The following ANKRD6 variants were observed in gnomAD, a reference collection of about 807,000 sequenced individuals.
ANKRD6 encodes the protein ankyrin repeat domain 6.
A neutral mutation model predicts 82.3 loss-of-function variants in ANKRD6; 56 were observed. The ratio of observed to expected loss-of-function variants is 0.68; its 90% CI spans 0.55 to 0.85. The LOEUF is 0.85. Among genes scored for constraint, ANKRD6 ranks in the 40% least tolerant of loss-of-function variants. The pLI is 0.00. For synonymous variants in ANKRD6, 347 were observed against 352.1 expected (o/e 0.99, Z 0.16); for missense variants, 852 against 907.6 (o/e 0.94, Z 0.79).
intron 1 of ANKRD6, among the ~76,000 whole-genome samples, chr6:89,512,483 TA>T (rs1259282957): frequency 2.6e-5 from 4 of 152,272 alleles, no homozygotes; most frequent in Admixed American, 6.5e-5. Flanking sequence ...GTTTCTAAGT[TA>T]GGGGGCGGAG....
chr6:89,554,446 CT>C (rs11484125), intron 1 of ANKRD6, among the ~76,000 whole-genome samples: 8 of 149,612 alleles, frequency 5.3e-5, no homozygotes, highest in East Asian at 2.0e-4. Flanking sequence ...TTAATCACGT[CT>C]TTTTTTTTTG....
chr6:89,629,273 G>A, intron 15 of ANKRD6, 35 bp downstream of exon 15: 1 of 1,612,838 alleles, frequency 6.2e-7, no homozygotes, highest in East Asian at 2.2e-5. Flanking sequence ...TTGTCCAAAA[G>A]GAACACGACC....
intron 5 of ANKRD6, among the ~76,000 whole-genome samples, chr6:89,608,368 C>CACACACACACACACACACACACACACTA: frequency 9.9e-5 from 13 of 130,750 alleles, no homozygotes; most frequent in African/African-American, 4.0e-4. Flanking sequence ...CACACACACA[C>CACACACACACACACACACACACACACTA]TATATATATA....
intron 1 of ANKRD6, among the ~76,000 whole-genome samples, chr6:89,439,726 T>C (rs980781336): frequency 6.6e-6 from 1 of 152,120 alleles, no homozygotes; most frequent in African/African-American, 2.4e-5. Flanking sequence ...CGAGACAGGG[T>C]CTCATTCTGT....
At chr6:89,465,408 A>C (rs1162478348) in intron 1 of ANKRD6, among the ~76,000 whole-genome samples, 1 of 151,924 alleles carries the variant, frequency 6.6e-6, no homozygotes, top group East Asian at 1.9e-4. Context: ...AGTATGAGCC[A>C]CTGCACCAGG....
At chr6:89,478,593 G>A (rs1355898528) in intron 1 of ANKRD6, among the ~76,000 whole-genome samples, 1 of 151,404 alleles carries the variant, frequency 6.6e-6, no homozygotes, top group Non-Finnish European at 1.5e-5. Context: ...AATTAGCCAG[G>A]CGTGGTGGTG....
At chr6:89,613,703 C>A in intron 6 of ANKRD6, 89 bp from the exon 7 acceptor site, 1 of 1,198,556 alleles carries the variant, frequency 8.3e-7, no homozygotes, top group Non-Finnish European at 1.2e-6. Flanking sequence ...TGATAGTCTG[C>A]TAGCTTTTAA....
chr6:89,451,805 C>T (rs1209990683), intron 1 of ANKRD6, among the ~76,000 whole-genome samples: 4 of 152,166 alleles, frequency 2.6e-5, no homozygotes, highest in African/African-American at 9.7e-5. Context: ...GATTTTGCTC[C>T]AGGACTTCTG....
At chr6:89,609,482 A>G (rs1052311926) in intron 5 of ANKRD6, among the ~76,000 whole-genome samples, 6 of 151,894 alleles carry the variant, frequency 4.0e-5, no homozygotes, top group Admixed American at 1.3e-4. Context: ...TTGTATTTTT[A>G]GTAGAGACAG....
At chr6:89,519,689 A>G (rs1781661369) in intron 1 of ANKRD6, among the ~76,000 whole-genome samples, 1 of 152,242 alleles carries the variant, frequency 6.6e-6, no homozygotes, top group Non-Finnish European at 1.5e-5. Flanking sequence ...GCCTACAGAT[A>G]GTAATAGCAG....
Position 89,616,541 on chromosome 6 carries a change from C to G in ANKRD6, c.616-18C>G, listed in dbSNP as rs771733104. 3.1e-6 allele frequency: 5 copies of G among 1,612,494 alleles called. No individual in the cohort carries two copies. The highest frequency in any genetic ancestry group is 3.4e-6 in the Non-Finnish European group (4 of 1,178,516). ...CCATGAGCAGATGAGGTTTAGCAGA[C>G]CTTCTAATCAATTCCAGGCTGGAGA... is the stretch of plus-strand genomic sequence containing the variant. On this transcript the variant is annotated intron_variant, in intron 7 of 15. Coordinates refer to ENST00000339746, the MANE Select transcript of ANKRD6 (RefSeq NM_001242809.2).
intron 7 of ANKRD6, among the ~76,000 whole-genome samples, chr6:89,614,247 C>A (rs1370090797): frequency 6.6e-6 from 1 of 152,142 alleles, no homozygotes; most frequent in Non-Finnish European, 1.5e-5. Flanking sequence ...TGCAGTGGCT[C>A]ACATCCCAGT....
chr6:89,532,296 G>A (rs190316171), intron 1 of ANKRD6, among the ~76,000 whole-genome samples: 44 of 152,198 alleles, frequency 2.9e-4, no homozygotes, highest in African/African-American at 6.5e-4. Context: ...GCTTTCTGTC[G>A]TCTGTTTATA....
At chr6:89,619,428 G>T (rs1277860601) in intron 9 of ANKRD6, among the ~76,000 whole-genome samples, 1 of 152,114 alleles carries the variant, frequency 6.6e-6, no homozygotes, top group Non-Finnish European at 1.5e-5. Flanking sequence ...AGGGTTGGAG[G>T]GTTCCCCAGG....
At chr6:89,486,979 G>T (rs139504325) in intron 1 of ANKRD6, among the ~76,000 whole-genome samples, 3 of 152,248 alleles carry the variant, frequency 2.0e-5, no homozygotes, top group Non-Finnish European at 2.9e-5. Flanking sequence ...TTTGGGGTTG[G>T]GGGGTGGACA....
chr6:89,519,218 A>G (rs1781599684), intron 1 of ANKRD6, among the ~76,000 whole-genome samples: 1 of 152,236 alleles, frequency 6.6e-6, no homozygotes, highest in Non-Finnish European at 1.5e-5. Context: ...CAAGGGAGAT[A>G]CTGGCTGTAA....
At chr6:89,515,455 A>C (rs374401120) in intron 1 of ANKRD6, among the ~76,000 whole-genome samples, 12 of 152,200 alleles carry the variant, frequency 7.9e-5, no homozygotes, top group African/African-American at 2.9e-4. Context: ...TGTTTGTTCA[A>C]TGTTTTGTTG....
At chr6:89,545,673 A>G (rs1318484239) in intron 1 of ANKRD6, among the ~76,000 whole-genome samples, 1 of 152,216 alleles carries the variant, frequency 6.6e-6, no homozygotes, top group Non-Finnish European at 1.5e-5. Flanking sequence ...GATGAACTAA[A>G]TCTTGAAGAA....
At chr6:89,485,703 T>C (rs1582862276) in intron 1 of ANKRD6, among the ~76,000 whole-genome samples, 1 of 152,112 alleles carries the variant, frequency 6.6e-6, no homozygotes, top group Non-Finnish European at 1.5e-5. Flanking sequence ...CAGAAGGGGA[T>C]TTGGTCTGGA....
Sources: allele counts gnomAD v4.1 joint callset (sites outside exome capture counted in the v4.1 genomes callset), GRCh38; gene constraint gnomAD v4.1.1; transcripts MANE v1.5; gene names NCBI Gene and HGNC (gene_info 2026-07-23, HGNC 2026-07-21).